CNTN5: variants seen among roughly 807,000 people sequenced by gnomAD.
CNTN5 encodes the protein contactin 5.
In CNTN5, 77 loss-of-function variants were observed where a neutral mutation model predicts 129.1. The observed-to-expected ratio is 0.60, with a 90% confidence interval of 0.50 to 0.72. CNTN5 has a LOEUF of 0.72. CNTN5 is among the 30% of genes least tolerant of loss of function. The pLI is 0.00. For missense variants in CNTN5, 1,478 were observed against 1,328.8 expected (o/e 1.11, Z -1.75); for synonymous variants, 509 against 465.6 (o/e 1.09, Z -1.20).
chr11:100,334,645 A>G (rs1951989800), intron 21 of CNTN5, among the ~76,000 whole-genome samples: 1 of 152,188 alleles, frequency 6.6e-6, no homozygotes, highest in Non-Finnish European at 1.5e-5. Context: ...CTGGGTGGAA[A>G]TGGAGACTAT....
intron 1 of CNTN5, among the ~76,000 whole-genome samples, chr11:99,280,815 T>A (rs1863661978): frequency 6.6e-6 from 1 of 151,842 alleles, no homozygotes; most frequent in Non-Finnish European, 1.5e-5. Flanking sequence ...GGACTATTCA[T>A]GAAGTCAGCA....
intron 13 of CNTN5, among the ~76,000 whole-genome samples, chr11:100,151,387 G>A (rs1207220230): frequency 6.6e-6 from 1 of 152,126 alleles, no homozygotes; most frequent in Non-Finnish European, 1.5e-5. Flanking sequence ...ATGTTCTAGT[G>A]TATGCGTGAA....
chr11:99,232,534 T>A (rs7929845), intron 1 of CNTN5, among the ~76,000 whole-genome samples: 1,674 of 152,274 alleles, frequency 0.011, 37 homozygotes, highest in African/African-American at 0.038. Flanking sequence ...TTGCTTGTCA[T>A]CTTAAGAAGC....
At chr11:100,278,949 T>G (rs1950574368) in intron 18 of CNTN5, among the ~76,000 whole-genome samples, 1 of 151,992 alleles carries the variant, frequency 6.6e-6, no homozygotes, top group Non-Finnish European at 1.5e-5. Flanking sequence ...GTTCATCATA[T>G]GATTTTTATG....
intron 2 of CNTN5, among the ~76,000 whole-genome samples, chr11:99,478,966 G>A (rs1484354425): frequency 2.0e-5 from 3 of 151,882 alleles, no homozygotes; most frequent in Admixed American, 6.6e-5. Context: ...TTGTGTTTGG[G>A]ATTTCTTTTA....
chr11:99,501,474 C>A (rs1196255965), intron 2 of CNTN5, among the ~76,000 whole-genome samples: 2 of 152,162 alleles, frequency 1.3e-5, no homozygotes, highest in Non-Finnish European at 2.9e-5. Context: ...ACTAAGTAAA[C>A]CTGAAATGTA....
intron 13 of CNTN5, among the ~76,000 whole-genome samples, chr11:100,084,558 C>A (rs113392588): frequency 2.0e-5 from 3 of 151,966 alleles, no homozygotes; most frequent in African/African-American, 4.8e-5. Context: ...ACAATGATAA[C>A]CTTGACTACA....
intron 18 of CNTN5, among the ~76,000 whole-genome samples, chr11:100,279,791 T>C (rs2138813245): frequency 6.6e-6 from 1 of 152,020 alleles, no homozygotes; most frequent in Non-Finnish European, 1.5e-5. Context: ...TTCATTTCAT[T>C]TATTTCTGCT....
chr11:100,120,807 T>C (rs1371018437), intron 13 of CNTN5, among the ~76,000 whole-genome samples: 1 of 152,002 alleles, frequency 6.6e-6, no homozygotes, highest in Non-Finnish European at 1.5e-5. Context: ...CCTATTACTA[T>C]TTTAAAAAGG....
chr11:99,673,827 A>G (rs903162281), intron 3 of CNTN5, among the ~76,000 whole-genome samples: 2 of 151,902 alleles, frequency 1.3e-5, no homozygotes, highest in Non-Finnish European at 2.9e-5. Flanking sequence ...TATATGCATC[A>G]CATTTTGAAA....
At chr11:100,211,075 A>G (rs1185685034) in intron 15 of CNTN5, among the ~76,000 whole-genome samples, 1 of 152,202 alleles carries the variant, frequency 6.6e-6, no homozygotes, top group African/African-American at 2.4e-5. Flanking sequence ...TCCAGAGACC[A>G]GTTGTAAAAT....
chr11:100,341,903 AT>A (rs1952170033), intron 23 of CNTN5, among the ~76,000 whole-genome samples: 2 of 151,394 alleles, frequency 1.3e-5, no homozygotes, highest in African/African-American at 4.8e-5. Context: ...TATTCACAAT[AT>A]TTTTAATATA....
At chr11:99,703,728 A>T (rs922849542) in intron 3 of CNTN5, among the ~76,000 whole-genome samples, 1 of 151,004 alleles carries the variant, frequency 6.6e-6, no homozygotes, top group African/African-American at 2.4e-5. Context: ...GCTTATATTG[A>T]TAAGATTTCA....
At chr11:99,354,084 G>A (rs551215166) in intron 2 of CNTN5, among the ~76,000 whole-genome samples, 10 of 152,152 alleles carry the variant, frequency 6.6e-5, no homozygotes, top group African/African-American at 1.9e-4. Flanking sequence ...CAATCAAAAG[G>A]AATTAACGTG....
At chr11:99,573,500 G>A (rs1026765209) in intron 3 of CNTN5, among the ~76,000 whole-genome samples, 2 of 151,932 alleles carry the variant, frequency 1.3e-5, no homozygotes, top group Non-Finnish European at 2.9e-5. Flanking sequence ...AACCAGGAAG[G>A]CGGAGTTTGC....
chr11:100,103,210 G>A (rs1371044212), intron 13 of CNTN5, among the ~76,000 whole-genome samples: 5 of 152,254 alleles, frequency 3.3e-5, no homozygotes, highest in Admixed American at 6.5e-5. Context: ...CAATTAGCAC[G>A]GGCACATTCT....
intron 2 of CNTN5, among the ~76,000 whole-genome samples, chr11:99,396,704 T>C (rs187589803): frequency 6.6e-6 from 1 of 151,810 alleles, no homozygotes; most frequent in Admixed American, 6.6e-5. Flanking sequence ...AGCGGTACTA[T>C]AGAAAACAGC....
At chr11:100,253,773 CAT>C (rs1212945854) in intron 16 of CNTN5, among the ~76,000 whole-genome samples, 2 of 152,148 alleles carry the variant, frequency 1.3e-5, no homozygotes, top group Non-Finnish European at 2.9e-5. Context: ...ATGCAATAGA[CAT>C]ATTTTTTCAT....
At chr11:99,750,574 C>T (rs1199971712) in intron 3 of CNTN5, among the ~76,000 whole-genome samples, 1 of 151,682 alleles carries the variant, frequency 6.6e-6, no homozygotes, top group African/African-American at 2.4e-5. Context: ...CTCTTACCTC[C>T]TCTGTAAGGG....
Sources: allele counts gnomAD v4.1 joint callset (sites outside exome capture counted in the v4.1 genomes callset), GRCh38; gene constraint gnomAD v4.1.1; transcripts MANE v1.5; gene names NCBI Gene and HGNC (gene_info 2026-07-23, HGNC 2026-07-21).